Variants in CNKSR2 observed in about 807,000 individuals in gnomAD.
CNKSR2 encodes the protein connector enhancer of kinase suppressor of Ras 2, also known as CNK homolog protein 2.
A neutral mutation model predicts 84.4 loss-of-function variants in CNKSR2; 14 were observed. That is an observed-to-expected ratio of 0.17 (90% CI 0.11 to 0.26). CNKSR2 has a LOEUF of 0.26. CNKSR2 is among the 10% of genes least tolerant of loss of function. The pLI is 1.00. For missense variants in CNKSR2, 485 were observed against 771.2 expected (o/e 0.63, Z 4.40); for synonymous variants, 275 against 277.9 (o/e 0.99, Z 0.10).
At chrX:21,377,558 T>G (rs995225976) in intron 1 of CNKSR2, among the ~76,000 whole-genome samples, 1 of 111,875 alleles carries the variant, frequency 8.9e-6, no homozygotes, top group Non-Finnish European at 1.9e-5. Context: ...CAGAGGATGC[T>G]CCTAATGAGA....
At chrX:21,410,099 C>T in intron 1 of CNKSR2, among the ~76,000 whole-genome samples, 1 of 107,687 alleles carries the variant, frequency 9.3e-6, no homozygotes, top group Non-Finnish European at 1.9e-5. Flanking sequence ...TATTTGATGA[C>T]TTCATCACTT....
intron 13 of CNKSR2, among the ~76,000 whole-genome samples, chrX:21,578,552 T>G (rs1166911430): frequency 9.4e-6 from 1 of 105,919 alleles, no homozygotes; most frequent in Non-Finnish European, 1.9e-5. Context: ...CTTACCTGTT[T>G]TTTTTTTTTT....
At position 21,563,244 on chromosome X, in the gene CNKSR2, C is replaced by T. The variant is rs780855622; in HGVS notation, c.1400C>T (p.Ser467Phe). The T allele has an allele frequency of 8.3e-7, 1 of 1,197,858 alleles. No individual in the cohort carries two copies. Residue 467 changes from serine to phenylalanine, a missense_variant, in exon 13 of 22, where the codon TCT becomes TTT. This residue lies in a region of CNKSR2 where 132 missense variants were observed against 166.7 expected (regional missense o/e 0.79). Coordinates refer to ENST00000379510, the MANE Select transcript of CNKSR2 (RefSeq NM_014927.5). ...KMKRDSRREN[S>F]LLRYMSNEKI... ...TTTATCTCTTTTTATATAGAAAACT[C>T]TCTACTTCGGTATATGAGCAATGAA... is the stretch of plus-strand genomic sequence containing the variant.
intron 1 of CNKSR2, among the ~76,000 whole-genome samples, chrX:21,419,550 G>A (rs1311431794): frequency 9.0e-6 from 1 of 111,111 alleles, no homozygotes; most frequent in Admixed American, 9.6e-5. Context: ...TCTTGGGAAG[G>A]CATTCCAGAT....
At chrX:21,473,747 T>G (rs1485931121) in intron 5 of CNKSR2, among the ~76,000 whole-genome samples, 7 of 75,255 alleles carry the variant, frequency 9.3e-5, no homozygotes, top group Non-Finnish European at 1.6e-4. Context: ...TTGGTTTGGT[T>G]TTTTTTTTTT....
intron 20 of CNKSR2, among the ~76,000 whole-genome samples, chrX:21,620,316 ATC>A (rs1347580368): frequency 9.1e-6 from 1 of 110,238 alleles, no homozygotes; most frequent in African/African-American, 3.3e-5. Flanking sequence ...TGTCAGTGGT[ATC>A]TCTCTGGCAA....
chrX:21,469,339 T>C (rs1328448178), intron 4 of CNKSR2, among the ~76,000 whole-genome samples: 1 of 111,846 alleles, frequency 8.9e-6, no homozygotes, highest in East Asian at 2.8e-4. Context: ...TCTTAAGTAT[T>C]TCTGTGAATT....
At chrX:21,428,433 A>G (rs943276243) in intron 2 of CNKSR2, 1 of 111,917 alleles carries the variant, frequency 8.9e-6, no homozygotes, top group African/African-American at 3.2e-5. Flanking sequence ...ATGAGAATCA[A>G]AGGTTTATTT....
chrX:21,617,660 A>G (rs1198646250), intron 20 of CNKSR2, among the ~76,000 whole-genome samples: 5 of 111,178 alleles, frequency 4.5e-5, no homozygotes, highest in Non-Finnish European at 9.4e-5. Flanking sequence ...AGGGATATGA[A>G]GGATGGTTTA....
chrX:21,595,230 C>A lies in CNKSR2; in HGVS notation c.1905-94C>A, dbSNP rs895435741. The A allele has an allele frequency of 4.3e-6, 3 of 704,522 alleles. No homozygotes were observed. The African/African-American group carries it at 6.5e-5, about 15-fold the overall frequency. 58.1% of individuals were successfully genotyped at this position (704,522 alleles called of 1,213,427 possible). ...GATAGAAGCATTATATATGTGAACTCGGGTTAGATGTTGAGGTAATTTTGC... is the reference window on the plus strand; with the variant it reads ...GATAGAAGCATTATATATGTGAACTAGGGTTAGATGTTGAGGTAATTTTGC... On this transcript the variant is annotated intron_variant, in intron 16 of 21. Transcript: ENST00000379510.
chrX:21,408,701 A>T (rs1426115476), intron 1 of CNKSR2, among the ~76,000 whole-genome samples: 2 of 111,121 alleles, frequency 1.8e-5, no homozygotes, highest in Admixed American at 1.9e-4. Context: ...TCACTAAAAA[A>T]GATTTGTCTT....
intron 1 of CNKSR2, among the ~76,000 whole-genome samples, chrX:21,404,537 C>T (rs759597758): frequency 1.7e-4 from 19 of 110,349 alleles, no homozygotes; most frequent in Admixed American, 1.7e-3. Flanking sequence ...ACCTGTAACC[C>T]TAGCACTTTG....
At chrX:21,570,155 C>T (rs1266787203) in intron 13 of CNKSR2, among the ~76,000 whole-genome samples, 1 of 112,286 alleles carries the variant, frequency 8.9e-6, no homozygotes, top group Middle Eastern at 4.2e-3. Flanking sequence ...TTCTCTCAAG[C>T]TATGAAAGTC....
At chrX:21,466,002 C>T (rs867650754) in intron 4 of CNKSR2, among the ~76,000 whole-genome samples, 3 of 111,570 alleles carry the variant, frequency 2.7e-5, no homozygotes, top group Non-Finnish European at 5.6e-5. Context: ...TCAAGAAACA[C>T]GCCTCATTTT....
chrX:21,609,213 G>A lies in CNKSR2; in HGVS notation c.2288G>A (p.Ser763Asn). The A allele has an allele frequency of 8.3e-7, 1 of 1,211,431 alleles. No homozygotes were observed. The highest frequency in any genetic ancestry group is 1.1e-6 in the Non-Finnish European group (1 of 895,313). Reference sequence around the variant, plus strand: ...GTGTCTCCCATTCGCAAGACAGCCAGTCAGCGCCGCTCCTGGCAGGATTTA... The same window carrying A: ...GTGTCTCCCATTCGCAAGACAGCCAATCAGCGCCGCTCCTGGCAGGATTTA... The part of the protein sequence containing the change: ...SAVSPIRKTA[S>N]QRRSWQDLIE... The change falls in exon 20 of 22, where the codon AGT (serine) becomes AAT (asparagine). Residue 763 changes from serine to asparagine, a missense_variant. Coordinates refer to ENST00000379510, the MANE Select transcript of CNKSR2 (RefSeq NM_014927.5).
At chrX:21,483,390 A>G (rs2091343015) in intron 5 of CNKSR2, among the ~76,000 whole-genome samples, 1 of 109,308 alleles carries the variant, frequency 9.1e-6, no homozygotes, top group Non-Finnish European at 1.9e-5. Context: ...GAATTGAACA[A>G]TGAGAACACT....
At chrX:21,457,444 C>T (rs2091008320) in intron 4 of CNKSR2, among the ~76,000 whole-genome samples, 1 of 111,493 alleles carries the variant, frequency 9.0e-6, no homozygotes, top group African/African-American at 3.3e-5. Context: ...TATAACTTGG[C>T]ATAATCTATT....
intron 3 of CNKSR2, among the ~76,000 whole-genome samples, chrX:21,437,357 T>G (rs1035463312): frequency 9.1e-6 from 1 of 110,367 alleles, no homozygotes; most frequent in African/African-American, 3.3e-5. Context: ...GAAGCACTTT[T>G]GAATTCTTAG....
chrX:21,502,395 A>C (rs1408422614), intron 8 of CNKSR2, among the ~76,000 whole-genome samples: 1 of 108,510 alleles, frequency 9.2e-6, no homozygotes, highest in Non-Finnish European at 1.9e-5. Context: ...TTATCTTAAA[A>C]AGTTAAAATA....
Sources: gnomAD v4.1 joint callset for allele counts (sites outside exome capture counted in the v4.1 genomes callset) on GRCh38, gnomAD v4.1.1 for gene constraint, gnomAD v4.1.1 regional missense constraint, MANE v1.5 for transcripts, NCBI Gene and HGNC (gene_info 2026-07-23, HGNC 2026-07-21) for gene names.